The following COL19A1 variants were observed in gnomAD, a reference collection of about 807,000 sequenced individuals.
The protein encoded by COL19A1 is collagen alpha-1(XIX) chain.
COL19A1 carries 159 observed loss-of-function variants against 190.2 expected under a neutral mutation model. That is an observed-to-expected ratio of 0.84 (90% CI 0.73 to 0.95). COL19A1 has a LOEUF of 0.95. COL19A1 is among the 40% of genes least tolerant of loss of function. The probability of loss-of-function intolerance (pLI) is 0.00; values close to 1 mark genes in which losing one functional copy is unlikely to be tolerated. For synonymous variants in COL19A1, 509 were observed against 458.9 expected (o/e 1.11, Z -1.39); for missense variants, 1,418 against 1,431.9 (o/e 0.99, Z 0.16).
intron 2 of COL19A1, among the ~76,000 whole-genome samples, chr6:69,895,675 G>A (rs1006446180): frequency 1.3e-5 from 2 of 152,158 alleles, no homozygotes; most frequent in African/African-American, 2.4e-5. Context: ...CTCAGTGGGC[G>A]GGCTGGTTGG....
intron 11 of COL19A1, among the ~76,000 whole-genome samples, chr6:69,980,259 C>G (rs1380114158): frequency 6.6e-6 from 1 of 152,022 alleles, no homozygotes; most frequent in East Asian, 1.9e-4. Flanking sequence ...AATCTAGAAA[C>G]TGGCCTCAGA....
chr6:70,070,515 G>A (rs778284094), intron 15 of COL19A1, among the ~76,000 whole-genome samples: 2 of 152,106 alleles, frequency 1.3e-5, no homozygotes, highest in South Asian at 2.1e-4. Flanking sequence ...TTTATCAAAA[G>A]AAGTAGCTAG....
intron 11 of COL19A1, 36 bp downstream of exon 11, chr6:69,962,906 GA>G (rs765126468): frequency 7.2e-6 from 11 of 1,523,406 alleles, no homozygotes; most frequent in Admixed American, 1.8e-5. Flanking sequence ...TCTGTAAAAA[GA>G]AATTGTTCTT....
chr6:69,917,531 AATCAC>A (rs1486338952), intron 4 of COL19A1, among the ~76,000 whole-genome samples: 10 of 152,302 alleles, frequency 6.6e-5, no homozygotes, highest in Admixed American at 4.6e-4. Flanking sequence ...TTTTTGTGGA[AATCAC>A]ATTCCACAAA....
chr6:70,189,874 A>G (rs768154863), intron 47 of COL19A1, among the ~76,000 whole-genome samples: 20 of 152,226 alleles, frequency 1.3e-4, no homozygotes, highest in Non-Finnish European at 1.5e-4. Context: ...GTTCTGTTCC[A>G]GGTTGTCTTC....
intron 2 of COL19A1, among the ~76,000 whole-genome samples, chr6:69,888,000 C>CT (rs1769058415): frequency 6.6e-6 from 1 of 152,196 alleles, no homozygotes; most frequent in Non-Finnish European, 1.5e-5. Context: ...AGAAGTACAT[C>CT]TAATTGCTCT....
At chr6:70,086,268 G>C (rs1472562445) in intron 15 of COL19A1, among the ~76,000 whole-genome samples, 1 of 151,452 alleles carries the variant, frequency 6.6e-6, no homozygotes, top group African/African-American at 2.4e-5. Flanking sequence ...ACACACCCCT[G>C]CCCCACCCCC....
At chr6:70,042,865 A>T (rs1444122377) in intron 14 of COL19A1, among the ~76,000 whole-genome samples, 2 of 152,202 alleles carry the variant, frequency 1.3e-5, no homozygotes, top group Non-Finnish European at 2.9e-5. Context: ...CACCCATAAG[A>T]AGCAACTCCT....
intron 48 of COL19A1, among the ~76,000 whole-genome samples, chr6:70,192,984 A>G (rs1257671194): frequency 1.3e-5 from 2 of 152,194 alleles, no homozygotes; most frequent in East Asian, 1.9e-4. Context: ...GAGCTTTAAT[A>G]CTGAACTTCA....
chr6:70,123,056 C>A (rs1020084592), intron 17 of COL19A1, among the ~76,000 whole-genome samples: 3 of 152,120 alleles, frequency 2.0e-5, no homozygotes, highest in African/African-American at 7.2e-5. Context: ...TCAACCTACT[C>A]ATCTGACAAA....
At chr6:69,978,014 G>A (rs1272547814) in intron 11 of COL19A1, among the ~76,000 whole-genome samples, 2 of 152,084 alleles carry the variant, frequency 1.3e-5, no homozygotes, top group African/African-American at 2.4e-5. Flanking sequence ...CTGTGATCTT[G>A]CTCCTCAAAT....
intron 4 of COL19A1, among the ~76,000 whole-genome samples, chr6:69,921,678 ATATATTCGTATGTAGATTCG>A (rs1248476833): frequency 2.7e-4 from 39 of 147,064 alleles, no homozygotes; most frequent in African/African-American, 9.8e-4. Flanking sequence ...GTAGATTCGT[ATATATTCGTATGTAGATTCG>A]TATATATTCG....
At chr6:70,081,875 G>C (rs1782280396) in intron 15 of COL19A1, among the ~76,000 whole-genome samples, 1 of 151,946 alleles carries the variant, frequency 6.6e-6, no homozygotes, top group Admixed American at 6.6e-5. Flanking sequence ...GTTATCATCA[G>C]TATTTTAAAT....
chr6:70,160,061 C>A (rs1787699008), intron 34 of COL19A1, among the ~76,000 whole-genome samples: 1 of 152,120 alleles, frequency 6.6e-6, no homozygotes, highest in South Asian at 2.1e-4. Flanking sequence ...CCAGGAGGGA[C>A]TTCTGGCAAT....
chr6:70,180,334 CTCCAGGAGT>C lies in COL19A1; in HGVS notation c.2697_2705del (p.Val900_Gly902del). 1 of 1,614,158 alleles carries C rather than the reference CTCCAGGAGT, an allele frequency of 6.2e-7. No individual in the cohort carries two copies. The highest frequency in any genetic ancestry group is 8.5e-7 in the Non-Finnish European group (1 of 1,180,012). On this transcript the variant is annotated inframe_deletion, in exon 43 of 51. Coordinates refer to ENST00000620364, the MANE Select transcript of COL19A1 (RefSeq NM_001858.6). The stretch of plus-strand genomic sequence containing the variant: ...CAGGGAAAACCTGGTGCCCCAGGGC[CTCCAGGAGT>C]TCCAGGGGAACCGGTGAGTTGGCAG...
At chr6:70,074,717 T>A (rs1781775338) in intron 15 of COL19A1, among the ~76,000 whole-genome samples, 1 of 151,890 alleles carries the variant, frequency 6.6e-6, no homozygotes, top group Non-Finnish European at 1.5e-5. Context: ...TGGATAATTA[T>A]GAATTTATAG....
intron 15 of COL19A1, among the ~76,000 whole-genome samples, chr6:70,069,085 A>G (rs765156056): frequency 1.7e-4 from 26 of 152,032 alleles, no homozygotes; most frequent in Non-Finnish European, 3.8e-4. Context: ...TTTTACTGTT[A>G]TTATTATCAT....
chr6:69,954,783 A>T (rs567947636), intron 9 of COL19A1, among the ~76,000 whole-genome samples: 1 of 152,026 alleles, frequency 6.6e-6, no homozygotes, highest in Non-Finnish European at 1.5e-5. Flanking sequence ...CCTTCTCCAT[A>T]TCTTCATAAC....
rs144903519 is a variant in COL19A1, at chr6:70,210,225, C to A, written c.*2951C>A. Among the ~76,000 whole-genome samples, 5 of 152,154 alleles carry A rather than the reference C, an allele frequency of 3.3e-5. No homozygotes were observed. The highest frequency in any genetic ancestry group is 9.6e-5 in the African/African-American group (4 of 41,522). On this transcript the variant is annotated 3_prime_UTR_variant, in exon 51 of 51. Transcript: ENST00000620364. ...TTGAGTTCCAATCTTACATTTTATA[C>A]CAAGTTCAAAACACTTTCAGATAGA... is the stretch of plus-strand genomic sequence containing the variant.
Sources: allele counts gnomAD v4.1 joint callset (sites outside exome capture counted in the v4.1 genomes callset), GRCh38; gene constraint gnomAD v4.1.1; transcripts MANE v1.5; gene names NCBI Gene and HGNC (gene_info 2026-07-23, HGNC 2026-07-21).